SLC16A8: variants seen among roughly 807,000 people sequenced by gnomAD.
SLC16A8 encodes monocarboxylate transporter 3.
A neutral mutation model predicts 22.4 loss-of-function variants in SLC16A8; 20 were observed. The ratio of observed to expected loss-of-function variants is 0.89; its 90% CI spans 0.63 to 1.30. SLC16A8 has a LOEUF of 1.30. Among genes scored for constraint, SLC16A8 ranks in the 50% most tolerant of loss-of-function variants. SLC16A8 has a pLI of 0.00. For synonymous variants in SLC16A8, 393 were observed against 358.8 expected (o/e 1.10, Z -1.08); for missense variants, 817 against 740.3 (o/e 1.10, Z -1.20).
intron 5 of SLC16A8, among the ~76,000 whole-genome samples, chr22:38,078,957 C>T (rs1187569705): frequency 6.6e-6 from 1 of 152,222 alleles, no homozygotes; most frequent in Non-Finnish European, 1.5e-5. Flanking sequence ...GGTGAGGCGT[C>T]CCCTCCACCC....
chr22:38,080,851 G>T lies in SLC16A8; in HGVS notation c.1187C>A (p.Pro396Gln). 6.6e-7 allele frequency: 1 copy of T among 1,518,046 alleles called. No individual in the cohort carries two copies. The highest frequency in any genetic ancestry group is 8.8e-7 in the Non-Finnish European group (1 of 1,139,776). The allele number at this position is 1,518,046 out of a possible 1,614,324, so 94.0% of individuals were successfully genotyped here. ...CCTTCGGGGCGCACCGGCAGAGGGC[G>T]GTCCGATGAGCACAGCCGCGGCCTC... ...LVEAAAVLIG[P>Q]PSAGRLVDVL... is the part of the protein sequence containing the mutation. The change falls in exon 5 of 6, where the codon CCG (proline) becomes CAG (glutamine). Residue 396 changes from proline to glutamine, a missense_variant. Physicochemically the swap from Pro to Gln is moderately conservative, Grantham distance 76. Coordinates refer to ENST00000681075, the MANE Select transcript of SLC16A8 (RefSeq NM_013356.3).
intron 5 of SLC16A8, among the ~76,000 whole-genome samples, chr22:38,079,136 CCT>C (rs2085884768): frequency 6.6e-6 from 1 of 152,184 alleles, no homozygotes; most frequent in Non-Finnish European, 1.5e-5. Flanking sequence ...TCCTCCCACC[CCT>C]CTGTCCCAGG....
At chr22:38,079,157 G>A (rs2085884960) in intron 5 of SLC16A8, among the ~76,000 whole-genome samples, 1 of 152,358 alleles carries the variant, frequency 6.6e-6, no homozygotes, top group East Asian at 1.9e-4. Flanking sequence ...GGAGGCCCAT[G>A]AGCATCCCAG....
In SLC16A8 at chr22:38,081,693, G is replaced by A. The variant is rs1171982398; in HGVS notation, c.359-14C>T. ...CCAGGCCCAGGCCTGCGGGCGAGGC[G>A]GTGCTGTGCCGGGGTCCCCGGAGAG... On this transcript the variant is annotated splice_polypyrimidine_tract_variant and intron_variant, in intron 4 of 5. Transcript: ENST00000681075. 4.7e-6 allele frequency: 7 copies of A among 1,495,410 alleles called. No homozygotes were observed. The highest frequency in any genetic ancestry group is 1.8e-4 in the Middle Eastern group (1 of 5,496). 92.6% of individuals were successfully genotyped at this position (1,495,410 alleles called of 1,614,324 possible). A position where few individuals can be genotyped will look rare whatever the true frequency, so the allele number is the denominator to read the frequency against.
intron 4 of SLC16A8, 41 bp from the exon 5 acceptor site, chr22:38,081,720 C>T (rs2145899397): frequency 6.8e-7 from 1 of 1,462,266 alleles, no homozygotes; most frequent in South Asian, 1.4e-5. Context: ...CCCGGAGAGC[C>T]CCTCCCTGGC....
Position 38,082,884 on chromosome 22 carries a change from G to C in SLC16A8, c.-8-3C>G. 6.7e-7 allele frequency: 1 copy of C among 1,489,602 alleles called. No individual in the cohort carries two copies. Among genetic ancestry groups the C allele is most frequent in the Non-Finnish European group, 9.0e-7 (1 of 1,105,736 alleles). 92.3% of individuals were successfully genotyped at this position (1,489,602 alleles called of 1,614,324 possible). On this transcript the variant is annotated splice_region_variant and splice_polypyrimidine_tract_variant and intron_variant, in intron 2 of 5. Coordinates refer to ENST00000681075, the MANE Select transcript of SLC16A8 (RefSeq NM_013356.3). ...GCCGCCAGCGCCCATCGCTGCCTCT[G>C]TTGGGAGGGGGCGGGGACAAGAGGG...
chr22:38,082,028 G>T lies in SLC16A8; in HGVS notation c.219C>A (p.Pro73=). Residue 73 remains proline, a synonymous_variant, in exon 4 of 6, where the codon CCC becomes CCA. Transcript: ENST00000681075. ...AGCGGGTCACGAGGATGCTGGACACGGGGCCTGTGGGCAGGGCAGGGTCAC... is the reference window on the plus strand; with the variant it reads ...AGCGGGTCACGAGGATGCTGGACACTGGGCCTGTGGGCAGGGCAGGGTCAC... ...IMLAMLYGTG[P]VSSILVTRFG... is the part of the protein sequence containing the mutation. The T allele has an allele frequency of 6.3e-7, 1 of 1,577,032 alleles. No homozygotes were observed. The highest frequency in any genetic ancestry group is 8.6e-7 in the Non-Finnish European group (1 of 1,161,904).
chr22:38,082,019 G>T lies in SLC16A8; in HGVS notation c.228C>A (p.Ser76Arg), dbSNP rs867259330. 6.3e-7 allele frequency: 1 copy of T among 1,578,572 alleles called. No individual in the cohort carries two copies. The change falls in exon 4 of 6, where the codon AGC (serine) becomes AGA (arginine). Residue 76 changes from serine to arginine, a missense_variant. Physicochemically the swap from Ser to Arg is moderately radical, Grantham distance 110. Transcript: ENST00000681075. ...AMLYGTGPVS[S>R]ILVTRFGCRP... ...GACAGCCAAAGCGGGTCACGAGGATGCTGGACACGGGGCCTGTGGGCAGGG... is the reference window on the plus strand; with the variant it reads ...GACAGCCAAAGCGGGTCACGAGGATTCTGGACACGGGGCCTGTGGGCAGGG...
chr22:38,081,884 C>G lies in SLC16A8; in HGVS notation c.358+5G>C. ...CCAGCGGAGAGGAGACCAGGGGGCC[C>G]TCACCTGTGAGCACCCCAGCGGTCA... On this transcript the variant is annotated splice_donor_5th_base_variant and intron_variant, in intron 4 of 5. Transcript: ENST00000681075. 6.3e-7 allele frequency: 1 copy of G among 1,593,266 alleles called. No individual in the cohort carries two copies. The highest frequency in any genetic ancestry group is 8.5e-7 in the Non-Finnish European group (1 of 1,170,412).
Position 38,081,206 on chromosome 22 carries a change from C to T in SLC16A8, c.832G>A (p.Ala278Thr), listed in dbSNP as rs764361365. ...GTGTCGGGCACGCCCGCGTCCTTGG[C>T]GTAGTTCACCAGCAGGATGGCGGGG... ...FVPAILLVNY[A>T]KDAGVPDTDA... Residue 278 changes from alanine to threonine, a missense_variant, in exon 5 of 6, where the codon GCC (alanine) becomes ACC (threonine). Transcript: ENST00000681075. The T allele has an allele frequency of 6.4e-7, 1 of 1,568,850 alleles. No homozygotes were observed. The highest frequency in any genetic ancestry group is 1.4e-5 in the African/African-American group (1 of 73,738).
In SLC16A8 at chr22:38,082,672, G is replaced by T; in HGVS notation, c.202C>A (p.Leu68Ile). 6.3e-7 allele frequency: 1 copy of T among 1,579,672 alleles called. No homozygotes were observed. Among genetic ancestry groups the T allele is most frequent in the Non-Finnish European group, 8.6e-7 (1 of 1,164,722 alleles). Residue 68 changes from leucine to isoleucine, a missense_variant, in exon 3 of 6, where the codon CTC becomes ATC. Leu to Ile is a conservative substitution (Grantham distance 5). Transcript: ENST00000681075. ...AWVSSIMLAM[L>I]YGTGPVSSIL... ...CGGGGACACTGACCCGTGCCGTAGA[G>T]CATGGCTAGCATGATGGAGGACACC...
chr22:38,083,475 C>A (rs2085952203), intron 1 of SLC16A8, 114 bp from the exon 2 acceptor site: 1 of 152,334 alleles, frequency 6.6e-6, no homozygotes, highest in Admixed American at 6.5e-5. Context: ...TGACTTGGGC[C>A]GGTCGCCTCC....
rs898324750 is a variant in SLC16A8 at position 38,081,576 on chromosome 22, G to T, written c.462C>A (p.Pro154=). 3 of 1,508,424 alleles carry T rather than the reference G, an allele frequency of 2.0e-6. No homozygotes were observed. The highest frequency in any genetic ancestry group is 2.6e-6 in the Non-Finnish European group (3 of 1,136,722). The allele number at this position is 1,508,424 out of a possible 1,614,324, so 93.4% of individuals were successfully genotyped here. The change falls in exon 5 of 6, where the codon CCC becomes CCA. Residue 154 remains proline (P), a synonymous_variant. Transcript: ENST00000681075. ...LANGLAAAGS[P]VFLSALSPLG... ...GCGGCGACAGCGCGGACAGGAACACGGGGCTGCCCGCCGCCGCCAGCCCGT... is the reference window on the plus strand; with the variant it reads ...GCGGCGACAGCGCGGACAGGAACACTGGGCTGCCCGCCGCCGCCAGCCCGT...
chr22:38,080,203 C>A (rs529951926), intron 5 of SLC16A8, among the ~76,000 whole-genome samples: 76 of 152,242 alleles, frequency 5.0e-4, no homozygotes, highest in African/African-American at 1.7e-3. Context: ...GCTGTTCCCC[C>A]CCAACAAGCC....
At position 38,081,429 on chromosome 22, in the gene SLC16A8, T is replaced by C. The variant is rs1601970636; in HGVS notation, c.609A>G (p.Arg203=). 3 of 1,291,318 alleles carry C rather than the reference T, an allele frequency of 2.3e-6. No individual in the cohort carries two copies. Among genetic ancestry groups the C allele is most frequent in the African/African-American group, 1.6e-5 (1 of 64,212 alleles). The allele number at this position is 1,291,318 out of a possible 1,614,324, so 80.0% of individuals were successfully genotyped here. A position where few individuals can be genotyped will look rare whatever the true frequency, so the allele number is the denominator to read the frequency against. The change falls in exon 5 of 6, where the codon CGA becomes CGG. Residue 203 remains arginine, a synonymous_variant. Transcript: ENST00000681075. ...GGTCGCCGGCGCTGTCCCTGCGCGG[T>C]CGCGGGCCCGGCCCGGGCGGCGGCC... ...VMRPPPGPGP[R]PRRDSAGDRA...
At chr22:38,079,027 G>A (rs887120546) in intron 5 of SLC16A8, among the ~76,000 whole-genome samples, 27 of 152,286 alleles carry the variant, frequency 1.8e-4, no homozygotes, top group African/African-American at 6.3e-4. Context: ...TCTGGGGTGG[G>A]AGCGGGGAGG....
rs1478786874 is a variant in SLC16A8 at position 38,082,799 on chromosome 22, G to A, written c.75C>T (p.Cys25=). Residue 25 remains cysteine (C), a synonymous_variant, in exon 3 of 6, where the codon TGC becomes TGT. Transcript: ENST00000681075. ...GGWGWVVLGA[C]FVVTGFAYGF... The stretch of plus-strand genomic sequence containing the variant: ...CGTAGGCGAAGCCGGTGACCACAAA[G>A]CAGGCGCCCAGCACCACCCAGCCCC... 6.3e-7 allele frequency: 1 copy of A among 1,594,478 alleles called. No individual in the cohort carries two copies. Among genetic ancestry groups the A allele is most frequent in the Non-Finnish European group, 8.5e-7 (1 of 1,174,248 alleles).
chr22:38,082,576 G>T, intron 3 of SLC16A8, 84 bp downstream of exon 3: 2 of 1,206,354 alleles, frequency 1.7e-6, no homozygotes, highest in Admixed American at 2.5e-5. Flanking sequence ...CCGAGGGTCA[G>T]GGGGATGCTC....
At chr22:38,079,780 G>C (rs532010918) in intron 5 of SLC16A8, among the ~76,000 whole-genome samples, 3 of 152,284 alleles carry the variant, frequency 2.0e-5, no homozygotes, top group Non-Finnish European at 4.4e-5. Context: ...CCTCTCTCTA[G>C]GTCATTCTCC....
Sources: gnomAD v4.1 joint callset for allele counts (sites outside exome capture counted in the v4.1 genomes callset) on GRCh38, gnomAD v4.1.1 for gene constraint, MANE v1.5 for transcripts, NCBI Gene and HGNC (gene_info 2026-07-23, HGNC 2026-07-21) for gene names.